The following SLC25A48 variants were observed in gnomAD, a reference collection of about 807,000 sequenced individuals.
SLC25A48 encodes the protein CTC-321K16.1.
SLC25A48 carries 29 observed loss-of-function variants against 32.2 expected under a neutral mutation model. The ratio of observed to expected loss-of-function variants is 0.90; its 90% confidence interval spans 0.67 to 1.23. The LOEUF is 1.23. SLC25A48 is among the 50% of genes most tolerant of loss of function. The probability of loss-of-function intolerance (pLI) is 0.00; values close to 1 mark genes in which losing one functional copy is unlikely to be tolerated. For synonymous variants in SLC25A48, 164 were observed against 172.3 expected, an observed-to-expected ratio of 0.95 and a Z score of 0.38; for missense variants, 399 against 422.7, an observed-to-expected ratio of 0.94 and a Z score of 0.49.
chr5:135,747,396 G>T (rs1755667349), intron 3 of SLC25A48, among the ~76,000 whole-genome samples: 1 of 147,810 alleles, frequency 6.8e-6, no homozygotes, highest in Non-Finnish European at 1.5e-5. Flanking sequence ...TATGCTTTCT[G>T]GTCAATTTTT....
chr5:135,873,738 C>T (rs1045073986), intron 5 of SLC25A48, among the ~76,000 whole-genome samples: 68 of 152,328 alleles, frequency 4.5e-4, no homozygotes, highest in Admixed American at 3.2e-3. Context: ...CAATGCTTCA[C>T]GTTCATCAAT....
intron 1 of SLC25A48, among the ~76,000 whole-genome samples, chr5:135,614,131 A>C (rs1182798720): frequency 2.0e-5 from 3 of 152,032 alleles, no homozygotes; most frequent in Non-Finnish European, 4.4e-5. Context: ...AGTGTTTTGT[A>C]GTTTTCCTTG....
intron 5 of SLC25A48, among the ~76,000 whole-genome samples, chr5:135,873,788 G>A (rs193284019): frequency 1.3e-5 from 2 of 152,320 alleles, no homozygotes; most frequent in South Asian, 2.1e-4. Flanking sequence ...GATAGGTACT[G>A]CCATCCCATT....
chr5:135,770,426 T>G (rs946853234), intron 3 of SLC25A48, among the ~76,000 whole-genome samples: 5 of 151,302 alleles, frequency 3.3e-5, no homozygotes, highest in Non-Finnish European at 5.9e-5. Flanking sequence ...TCGCAGGGGG[T>G]GGACACCTCT....
chr5:135,668,167 T>A (rs935246591), intron 3 of SLC25A48, among the ~76,000 whole-genome samples: 1 of 152,214 alleles, frequency 6.6e-6, no homozygotes, highest in African/African-American at 2.4e-5. Flanking sequence ...TAATCTGGTG[T>A]TTAAAATCTC....
At chr5:135,685,118 T>C (rs375247153) in intron 3 of SLC25A48, among the ~76,000 whole-genome samples, 1 of 152,174 alleles carries the variant, frequency 6.6e-6, no homozygotes, top group Non-Finnish European at 1.5e-5. Flanking sequence ...AAATGGTATC[T>C]TGTGGTAGTT....
chr5:135,707,883 T>C (rs74653258), intron 3 of SLC25A48, among the ~76,000 whole-genome samples: 9,177 of 152,286 alleles, frequency 0.06, 430 homozygotes, highest in African/African-American at 0.13. Flanking sequence ...GTGCCTGGCA[T>C]GGAGTAGGCT....
chr5:135,588,123 G>A (rs1314780675), intron 1 of SLC25A48, among the ~76,000 whole-genome samples: 1 of 152,264 alleles, frequency 6.6e-6, no homozygotes, highest in Non-Finnish European at 1.5e-5. Flanking sequence ...AGAAGGCAGA[G>A]GCCGGAGAAT....
intron 1 of SLC25A48, among the ~76,000 whole-genome samples, chr5:135,585,543 G>C (rs1661279487): frequency 6.6e-6 from 1 of 152,296 alleles, no homozygotes; most frequent in Middle Eastern, 3.4e-3. Context: ...AGGTTGCTCT[G>C]TGTCTTTCTT....
At position 135,717,084 on chromosome 5, in the gene SLC25A48, T is replaced by C. The variant is rs114698783; in HGVS notation, c.-521+82128T>C. On this transcript the variant is annotated intron_variant, in intron 3 of 10. Coordinates refer to the SLC25A48 transcript ENST00000646290. ...ATCTCACCCTCCTTGAGAAAGTGTG[T>C]CTGCTAGCATATCCCTGATCAGTAG... Among the ~76,000 whole-genome samples, 853 of 152,316 alleles carry C rather than the reference T, an allele frequency of 5.6e-3. 6 individuals carry two copies. Among genetic ancestry groups the C allele is most frequent in the African/African-American group, 0.019 (806 of 41,572 alleles).
At chr5:135,679,500 A>G (rs758999025) in intron 3 of SLC25A48, among the ~76,000 whole-genome samples, 36 of 152,200 alleles carry the variant, frequency 2.4e-4, no homozygotes, top group Non-Finnish European at 4.4e-4. Context: ...GGCAGTAACC[A>G]TATGCAGGTG....
intron 1 of SLC25A48, among the ~76,000 whole-genome samples, chr5:135,838,747 G>A (rs570678487): frequency 1.3e-5 from 2 of 152,356 alleles, no homozygotes; most frequent in South Asian, 4.1e-4. Flanking sequence ...GCCTGTGGGT[G>A]GATAGAAGTC....
At chr5:135,789,314 A>T (rs1756955127) in intron 3 of SLC25A48, among the ~76,000 whole-genome samples, 2 of 150,784 alleles carry the variant, frequency 1.3e-5, no homozygotes, top group African/African-American at 2.4e-5. Flanking sequence ...AAGGGAGAAA[A>T]GGGTGGTATT....
At chr5:135,845,241 T>C (rs552065138) in intron 2 of SLC25A48, among the ~76,000 whole-genome samples, 24 of 152,344 alleles carry the variant, frequency 1.6e-4, no homozygotes, top group African/African-American at 5.1e-4. Flanking sequence ...CCTGCCTGTC[T>C]TCATATGGCC....
chr5:135,687,822 G>A (rs1754050062), intron 3 of SLC25A48, among the ~76,000 whole-genome samples: 1 of 152,162 alleles, frequency 6.6e-6, no homozygotes, highest in Non-Finnish European at 1.5e-5. Context: ...TTTGTCCTGA[G>A]TGTGGCTTAT....
intron 1 of SLC25A48, among the ~76,000 whole-genome samples, chr5:135,580,223 C>T (rs913056266): frequency 2.6e-5 from 4 of 152,206 alleles, no homozygotes; most frequent in Non-Finnish European, 5.9e-5. Flanking sequence ...GGAGGGTCCT[C>T]AGTATATACG....
chr5:135,662,729 G>A (rs975333384), intron 3 of SLC25A48, among the ~76,000 whole-genome samples: 7 of 152,150 alleles, frequency 4.6e-5, no homozygotes, highest in African/African-American at 1.7e-4. Flanking sequence ...AGCAAGGGGT[G>A]AGCTTTTGCT....
intron 7 of SLC25A48, 151 bp downstream of exon 7, chr5:135,880,248 C>A: frequency 8.7e-7 from 1 of 1,151,458 alleles, no homozygotes; most frequent in Non-Finnish European, 1.2e-6. Context: ...CCCTTTTCGT[C>A]ACCAAACAGC....
chr5:135,664,185 C>A (rs753771744), intron 3 of SLC25A48, among the ~76,000 whole-genome samples: 2 of 152,228 alleles, frequency 1.3e-5, no homozygotes, highest in African/African-American at 4.8e-5. Context: ...TAGATAGGAA[C>A]CCATGGAAGG....
Sources: allele counts gnomAD v4.1 joint callset (sites outside exome capture counted in the v4.1 genomes callset), GRCh38; gene constraint gnomAD v4.1.1; transcripts MANE v1.5; gene names NCBI Gene and HGNC (gene_info 2026-07-23, HGNC 2026-07-21).